AUTS2: variants seen among roughly 807,000 people sequenced by gnomAD.
The protein encoded by AUTS2 is autism susceptibility gene 2 protein.
AUTS2 carries 17 observed loss-of-function variants against 112.4 expected under a neutral mutation model. The observed-to-expected ratio is 0.15, with a 90% CI of 0.10 to 0.23. The LOEUF is 0.23. Among genes scored for constraint, AUTS2 ranks in the 10% least tolerant of loss-of-function variants. AUTS2 has a pLI of 1.00. For missense variants in AUTS2, 1,510 were observed against 1,701.6 expected (o/e 0.89, Z 1.98); for synonymous variants, 751 against 702.7 (o/e 1.07, Z -1.09).
At chr7:70,558,670 A>C (rs889926423) in intron 5 of AUTS2, among the ~76,000 whole-genome samples, 7 of 152,246 alleles carry the variant, frequency 4.6e-5, no homozygotes, top group Non-Finnish European at 1.0e-4. Flanking sequence ...CTCATTTCTG[A>C]ATAGCATCAA....
At chr7:70,427,469 T>C (rs553808105) in intron 4 of AUTS2, among the ~76,000 whole-genome samples, 3 of 152,346 alleles carry the variant, frequency 2.0e-5, no homozygotes, top group East Asian at 3.9e-4. Context: ...CCCCAAAGAT[T>C]TGTGAAATAT....
At chr7:70,339,493 T>A (rs1315599065) in intron 4 of AUTS2, among the ~76,000 whole-genome samples, 1 of 152,246 alleles carries the variant, frequency 6.6e-6, no homozygotes, top group Non-Finnish European at 1.5e-5. Context: ...TTTCTCTCTC[T>A]CCACTTCGGG....
At chr7:70,439,554 A>C (rs1224485783) in intron 5 of AUTS2, among the ~76,000 whole-genome samples, 1 of 151,546 alleles carries the variant, frequency 6.6e-6, no homozygotes, top group Non-Finnish European at 1.5e-5. Context: ...AAAAAAAAAA[A>C]AAAAAAAGAT....
In AUTS2 at chr7:70,383,658, C is replaced by CA. The variant is rs111389664; in HGVS notation, c.661-52088dup. Among the ~76,000 whole-genome samples, 3 of 152,138 alleles carry CA rather than the reference C, an allele frequency of 2.0e-5. No homozygotes were observed. The South Asian group carries it at 6.2e-4, about 31-fold the overall frequency. ...CAAAAATCCCAGTGCCTGTCCTTGACAAAAAAGTCTGTTTTTTCCACAGTA... is the reference window on the plus strand; with the variant it reads ...CAAAAATCCCAGTGCCTGTCCTTGACAAAAAAAGTCTGTTTTTTCCACAGTA... On this transcript the variant is annotated intron_variant, in intron 4 of 18. Coordinates refer to ENST00000342771, the MANE Select transcript of AUTS2 (RefSeq NM_015570.4).
intron 6 of AUTS2, among the ~76,000 whole-genome samples, chr7:70,706,320 T>C (rs1426380597): frequency 6.6e-6 from 1 of 152,156 alleles, no homozygotes; most frequent in Non-Finnish European, 1.5e-5. Flanking sequence ...ATGCCTCCAC[T>C]TGGAGGTGGG....
chr7:69,958,742 T>C (rs1048986630), intron 2 of AUTS2, among the ~76,000 whole-genome samples: 8 of 152,168 alleles, frequency 5.3e-5, no homozygotes, highest in South Asian at 2.1e-4. Flanking sequence ...ACTGCTAGGC[T>C]CCACCTCCAA....
At chr7:70,621,713 A>G (rs1804680858) in intron 5 of AUTS2, among the ~76,000 whole-genome samples, 1 of 152,168 alleles carries the variant, frequency 6.6e-6, no homozygotes, top group Admixed American at 6.5e-5. Context: ...GATCAGAGCA[A>G]AAGCAAAGAT....
chr7:69,876,352 ATAT>A lies in AUTS2; in HGVS notation c.310-22933_310-22931del, dbSNP rs1793766003. Reference sequence around the variant, plus strand: ...AAAAAAAAAAAAAAAAAAAAAAAATATATATATATATATATATATATATATATA... The same window carrying A: ...AAAAAAAAAAAAAAAAAAAAAAAATAATATATATATATATATATATATATA... On this transcript the variant is annotated intron_variant, in intron 1 of 18. Coordinates refer to ENST00000342771, the MANE Select transcript of AUTS2 (RefSeq NM_015570.4). Among the ~76,000 whole-genome samples the A allele has an allele frequency of 1.4e-3, 77 of 53,980 alleles. 1 individual carries two copies. Among genetic ancestry groups the A allele is most frequent in the African/African-American group, 4.5e-3 (58 of 12,812 alleles). 35.4% of individuals were successfully genotyped at this position (53,980 alleles called of 152,430 possible). A position where few individuals can be genotyped will look rare whatever the true frequency, so the allele number is the denominator to read the frequency against.
intron 4 of AUTS2, among the ~76,000 whole-genome samples, chr7:70,364,665 A>G (rs1326882543): frequency 1.3e-5 from 2 of 152,004 alleles, no homozygotes; most frequent in African/African-American, 4.8e-5. Flanking sequence ...TTCAATTTAA[A>G]TAAATTTATT....
At chr7:70,688,731 A>G (rs1302271465) in intron 5 of AUTS2, among the ~76,000 whole-genome samples, 2 of 152,186 alleles carry the variant, frequency 1.3e-5, no homozygotes, top group African/African-American at 4.8e-5. Flanking sequence ...GGCTGCTGCA[A>G]GATGACCCCG....
chr7:69,753,049 T>A (rs1333815845), intron 1 of AUTS2, among the ~76,000 whole-genome samples: 1 of 152,210 alleles, frequency 6.6e-6, no homozygotes, highest in Admixed American at 6.5e-5. Flanking sequence ...AGATATTGGC[T>A]TCACTGAATG....
intron 4 of AUTS2, among the ~76,000 whole-genome samples, chr7:70,237,093 G>A (rs1812366725): frequency 6.6e-6 from 1 of 152,206 alleles, no homozygotes; most frequent in South Asian, 2.1e-4. Context: ...TCAGAGAGGA[G>A]TCTTGCACTA....
At chr7:69,827,288 T>C (rs1187577812) in intron 1 of AUTS2, among the ~76,000 whole-genome samples, 1 of 152,160 alleles carries the variant, frequency 6.6e-6, no homozygotes, top group Non-Finnish European at 1.5e-5. Context: ...TATGTTTGCA[T>C]GTAAGGAGAA....
At chr7:70,705,315 A>G (rs1809676449) in intron 6 of AUTS2, among the ~76,000 whole-genome samples, 1 of 152,224 alleles carries the variant, frequency 6.6e-6, no homozygotes, top group South Asian at 2.1e-4. Flanking sequence ...GAAATGCCAG[A>G]AAACTTCAGT....
chr7:70,512,134 T>A (rs1052550000), intron 5 of AUTS2, among the ~76,000 whole-genome samples: 1 of 152,224 alleles, frequency 6.6e-6, no homozygotes, highest in East Asian at 1.9e-4. Flanking sequence ...GGTCCCCACG[T>A]TGATCTCAGC....
In AUTS2 at chr7:70,270,088, T is replaced by C. The variant is rs529600033; in HGVS notation, c.660+135517T>C. 2.0e-5 allele frequency among the ~76,000 whole-genome samples: 3 copies of C among 152,258 alleles called. No homozygotes were observed. The East Asian group carries it at 5.8e-4, about 29-fold the overall frequency. ...TGGTCACCATGATATTAAAGAGCCA[T>C]GAAATATATTAGCATGTCTTTTTTC... is the stretch of plus-strand genomic sequence containing the variant. On this transcript the variant is annotated intron_variant, in intron 4 of 18. Coordinates refer to ENST00000342771, the MANE Select transcript of AUTS2 (RefSeq NM_015570.4).
intron 4 of AUTS2, among the ~76,000 whole-genome samples, chr7:70,147,386 A>G (rs556171245): frequency 9.2e-5 from 14 of 152,008 alleles, no homozygotes; most frequent in South Asian, 4.2e-4. Context: ...GAGTGTGTAG[A>G]TGGAGGCAGA....
chr7:70,430,305 A>G (rs535062676), intron 4 of AUTS2, among the ~76,000 whole-genome samples: 1 of 152,300 alleles, frequency 6.6e-6, no homozygotes, highest in Admixed American at 6.5e-5. Flanking sequence ...TTAGATGGAT[A>G]CTTGAGTCTG....
At chr7:69,601,571 G>GTGGTGCAGGTGGTGGTGA (rs1792410426) in intron 1 of AUTS2, among the ~76,000 whole-genome samples, 2 of 152,000 alleles carry the variant, frequency 1.3e-5, no homozygotes, top group African/African-American at 4.8e-5. Flanking sequence ...GGTGGTGGTG[G>GTGGTGCAGGTGGTGGTGA]TGGTGCAGGT....
Sources: gnomAD v4.1 joint callset for allele counts (sites outside exome capture counted in the v4.1 genomes callset) on GRCh38, gnomAD v4.1.1 for gene constraint, MANE v1.5 for transcripts, NCBI Gene and HGNC (gene_info 2026-07-23, HGNC 2026-07-21) for gene names.